The following SRPK2 variants were observed in gnomAD, a reference collection of about 807,000 sequenced individuals.
SRPK2 encodes the protein SRSF protein kinase 2, also known as SFRS protein kinase 2.
SRPK2 carries 21 observed loss-of-function variants against 90.8 expected under a neutral mutation model. The observed-to-expected ratio is 0.23, with a 90% CI of 0.16 to 0.33. The LOEUF (loss-of-function observed/expected upper bound fraction) is 0.33, where lower values mean the gene tolerates loss of function less well. Among genes scored for constraint, SRPK2 ranks in the 10% least tolerant of loss-of-function variants. The pLI is 1.00. For synonymous variants in SRPK2, 288 were observed against 311.1 expected, an observed-to-expected ratio of 0.93 and a Z score of 0.78; for missense variants, 620 against 869.0, an observed-to-expected ratio of 0.71 and a Z score of 3.60.
In SRPK2 at chr7:105,149,584, C is replaced by T. The variant is rs565212945; in HGVS notation, c.622-2926G>A. ...ACTGTTGTTTCTCTATACTTTGTCT[C>T]TGTGTCTTATTTCTTTTCTCAGTCT... is the stretch of plus-strand genomic sequence containing the variant. On this transcript the variant is annotated intron_variant, in intron 7 of 15. Transcript: ENST00000393651. 6.3e-3 allele frequency among the ~76,000 whole-genome samples: 957 copies of T among 152,306 alleles called. 6 individuals carry two copies. Among genetic ancestry groups the T allele is most frequent in the Middle Eastern group, 0.031 (9 of 294 alleles).
chr7:105,366,716 T>G (rs1033383717), intron 2 of SRPK2, among the ~76,000 whole-genome samples: 2 of 152,208 alleles, frequency 1.3e-5, no homozygotes, highest in African/African-American at 4.8e-5. Flanking sequence ...AAAGCTGCAT[T>G]TTCAATACAA....
intron 2 of SRPK2, among the ~76,000 whole-genome samples, chr7:105,331,310 A>G (rs1380774201): frequency 8.9e-6 from 1 of 112,842 alleles, no homozygotes; most frequent in Non-Finnish European, 1.8e-5. Flanking sequence ...CTCCGTCTCA[A>G]AAAAAAAAAA....
intron 4 of SRPK2, 126 bp from the exon 5 acceptor site, chr7:105,168,221 T>A: frequency 1.4e-6 from 1 of 711,120 alleles, no homozygotes; most frequent in South Asian, 1.9e-5. Context: ...CCTAAAACAT[T>A]ATGAGTGTGT....
At chr7:105,395,467 T>A (rs969239357) in intron 1 of SRPK2, among the ~76,000 whole-genome samples, 3 of 150,158 alleles carry the variant, frequency 2.0e-5, no homozygotes, top group Admixed American at 1.3e-4. Context: ...CAGTGGCTCA[T>A]GCCTGTAATC....
chr7:105,350,601 G>A lies in SRPK2; in HGVS notation c.71+38047C>T, dbSNP rs552486215. Among the ~76,000 whole-genome samples the A allele has an allele frequency of 7.8e-5, 11 of 140,342 alleles. No homozygotes were observed. In the South Asian group the frequency reaches 9.0e-4, roughly 11 times the overall value. The allele number at this position is 140,342 out of a possible 152,430, so 92.1% of individuals were successfully genotyped here. A position where few individuals can be genotyped will look rare whatever the true frequency, so the allele number is the denominator to read the frequency against. On this transcript the variant is annotated intron_variant, in intron 2 of 15. Coordinates refer to ENST00000393651, the MANE Select transcript of SRPK2 (RefSeq NM_182692.3). ...TGCAGTGGCTCAATCTGAGCTCACC[G>A]CAACCTCCGCCTCCCCCGTTTCAAG...
At chr7:105,301,927 C>T in intron 2 of SRPK2, 1 of 1,609,204 alleles carries the variant, frequency 6.2e-7, no homozygotes, top group Non-Finnish European at 8.5e-7. Context: ...CTAATACAGC[C>T]CCATCAAGTA....
rs150387786 is a variant in SRPK2, at chr7:105,124,037, G to C, written c.1915+2211C>G. 2.3e-3 allele frequency among the ~76,000 whole-genome samples: 357 copies of C among 152,340 alleles called. 1 individual carries two copies. The highest frequency in any genetic ancestry group is 8.3e-3 in the African/African-American group (343 of 41,568). Reference sequence around the variant, plus strand: ...ACGTGGTGATGATGGCAGTAACCTGGAGATACACATCCACAAGCTGTCTCA... The same window carrying C: ...ACGTGGTGATGATGGCAGTAACCTGCAGATACACATCCACAAGCTGTCTCA... On this transcript the variant is annotated intron_variant, in intron 15 of 15. Coordinates refer to ENST00000393651, the MANE Select transcript of SRPK2 (RefSeq NM_182692.3).
intron 2 of SRPK2, among the ~76,000 whole-genome samples, chr7:105,372,911 A>C (rs1819861187): frequency 6.6e-6 from 1 of 152,172 alleles, no homozygotes; most frequent in African/African-American, 2.4e-5. Context: ...AAACGTGGTG[A>C]AACCCTGTCT....
At chr7:105,228,810 G>A (rs888209235) in intron 2 of SRPK2, among the ~76,000 whole-genome samples, 11 of 152,210 alleles carry the variant, frequency 7.2e-5, no homozygotes, top group South Asian at 2.1e-4. Context: ...GCTTGTTCCC[G>A]TGTTGGCGCC....
At chr7:105,300,942 C>T (rs1428337553) in intron 2 of SRPK2, among the ~76,000 whole-genome samples, 4 of 152,142 alleles carry the variant, frequency 2.6e-5, no homozygotes, top group Non-Finnish European at 4.4e-5. Flanking sequence ...GTTCAACCGT[C>T]GTGGAAGACA....
chr7:105,233,744 T>G (rs1291794668), intron 2 of SRPK2, among the ~76,000 whole-genome samples: 2 of 151,868 alleles, frequency 1.3e-5, no homozygotes, highest in Non-Finnish European at 2.9e-5. Context: ...CCTGTAATCC[T>G]AGCTACTCAG....
intron 2 of SRPK2, among the ~76,000 whole-genome samples, chr7:105,364,408 T>G (rs1234815202): frequency 1.3e-5 from 2 of 150,576 alleles, no homozygotes; most frequent in South Asian, 2.1e-4. Context: ...GTGTAACGTT[T>G]TTTTTTTTTT....
At chr7:105,339,623 A>G (rs756713621) in intron 2 of SRPK2, among the ~76,000 whole-genome samples, 19 of 152,220 alleles carry the variant, frequency 1.2e-4, no homozygotes, top group Non-Finnish European at 2.5e-4. Context: ...TGAGAATACT[A>G]CTAAAACACT....
In SRPK2 at chr7:105,117,980, A is replaced by G; in HGVS notation, c.1958T>C (p.Phe653Ser). Reference protein sequence around the residue: ...HITKLKPWSLFDVLVEKYGWP... With the variant: ...HITKLKPWSLSDVLVEKYGWP... ...GCCATACTTTTCCACAAGTACATCA[A>G]AGAGGCTCCAGGGCTTCAGCTTGGT... Residue 653 changes from phenylalanine (F) to serine (S), a missense_variant, in exon 16 of 16, where the codon TTT becomes TCT. By Grantham distance (155) the Phe-to-Ser change is radical. Transcript: ENST00000393651. 6.2e-7 allele frequency: 1 copy of G among 1,614,184 alleles called. No individual in the cohort carries two copies. Among genetic ancestry groups the G allele is most frequent in the Non-Finnish European group, 8.5e-7 (1 of 1,180,022 alleles).
intron 5 of SRPK2, 107 bp downstream of exon 5, chr7:105,167,901 G>A (rs966393458): frequency 4.2e-5 from 39 of 935,156 alleles, no homozygotes; most frequent in Admixed American, 5.3e-5. Context: ...ATGAGCCACC[G>A]TGCCCAGCCA....
chr7:105,376,046 T>G (rs927068694), intron 2 of SRPK2, among the ~76,000 whole-genome samples: 4 of 126,020 alleles, frequency 3.2e-5, no homozygotes, highest in Non-Finnish European at 4.7e-5. Flanking sequence ...CAGGCTGGAG[T>G]GCAGTGTCGT....
In SRPK2 at chr7:105,143,174, T is replaced by A; in HGVS notation, c.970A>T (p.Asn324Tyr). ...GGGCAGTATTCGCCATCCTGGTCAT[T>A]GGAAGGTGCAGCTGAGGTGATGTTT... ...EENITSAAPS[N>Y]DQDGEYCPEV... Residue 324 changes from asparagine (N) to tyrosine (Y), a missense_variant, in exon 10 of 16, where the codon AAT becomes TAT. Physicochemically the swap from Asn to Tyr is moderately radical, Grantham distance 143. Transcript: ENST00000393651. The A allele has an allele frequency of 1.2e-6, 2 of 1,614,242 alleles. No homozygotes were observed. The highest frequency in any genetic ancestry group is 1.7e-6 in the Non-Finnish European group (2 of 1,180,034).
At chr7:105,256,730 C>T (rs553044436) in intron 2 of SRPK2, among the ~76,000 whole-genome samples, 2 of 152,208 alleles carry the variant, frequency 1.3e-5, no homozygotes, top group South Asian at 4.1e-4. Flanking sequence ...ATCACAAGAG[C>T]AGGCAAAACT....
At chr7:105,164,367 C>A (rs1808194048) in intron 6 of SRPK2, among the ~76,000 whole-genome samples, 2 of 152,216 alleles carry the variant, frequency 1.3e-5, no homozygotes, top group African/African-American at 2.4e-5. Context: ...TCATTCCTCT[C>A]ATCAAACGAG....
Sources: allele counts gnomAD v4.1 joint callset (sites outside exome capture counted in the v4.1 genomes callset), GRCh38; gene constraint gnomAD v4.1.1; transcripts MANE v1.5; gene names NCBI Gene and HGNC (gene_info 2026-07-23, HGNC 2026-07-21).